PAQR5: variants seen among roughly 807,000 people sequenced by gnomAD.
PAQR5 encodes the protein progestin and adipoQ receptor family member 5.
PAQR5 carries 20 observed loss-of-function variants against 34.5 expected under a neutral mutation model. The observed-to-expected ratio is 0.58, with a 90% CI of 0.41 to 0.84. PAQR5 has a LOEUF of 0.84. Ranked by LOEUF, PAQR5 falls within the 40% of genes least tolerant of loss-of-function variation. The pLI, the probability that PAQR5 is intolerant of heterozygous loss-of-function variation, is 0.00. For missense variants in PAQR5, 378 were observed against 412.7 expected (o/e 0.92, Z 0.73); for synonymous variants, 131 against 155.6 (o/e 0.84, Z 1.18).
intron 7 of PAQR5, among the ~76,000 whole-genome samples, chr15:69,399,079 A>G (rs911755275): frequency 3.3e-5 from 5 of 152,226 alleles, no homozygotes; most frequent in Non-Finnish European, 4.4e-5. Context: ...CTATGACTTT[A>G]TAACAATAAT....
At chr15:69,392,734 T>C (rs2056307354) in intron 6 of PAQR5, among the ~76,000 whole-genome samples, 2 of 152,074 alleles carry the variant, frequency 1.3e-5, no homozygotes, top group Non-Finnish European at 2.9e-5. Flanking sequence ...CACCTGCCGG[T>C]ATACACAGGG....
chr15:69,321,399 C>G (rs2054092978), intron 1 of PAQR5, among the ~76,000 whole-genome samples: 1 of 152,198 alleles, frequency 6.6e-6, no homozygotes, highest in South Asian at 2.1e-4. Context: ...TGGATCCCCA[C>G]CAGATTTTGT....
chr15:69,330,690 A>C (rs1157078765), intron 1 of PAQR5, among the ~76,000 whole-genome samples: 1 of 152,146 alleles, frequency 6.6e-6, no homozygotes, highest in Non-Finnish European at 1.5e-5. Context: ...CCCAACCACC[A>C]ACCAAGTTAT....
intron 3 of PAQR5, among the ~76,000 whole-genome samples, chr15:69,361,111 C>T (rs2055219994): frequency 6.6e-6 from 1 of 152,164 alleles, no homozygotes; most frequent in Non-Finnish European, 1.5e-5. Flanking sequence ...TGGCTGTCTC[C>T]CATGACACTG....
At chr15:69,325,615 GAATGAA>G (rs1313397457) in intron 1 of PAQR5, among the ~76,000 whole-genome samples, 3 of 151,690 alleles carry the variant, frequency 2.0e-5, no homozygotes, top group Non-Finnish European at 4.4e-5. Flanking sequence ...ATGAATGAAT[GAATGAA>G]TGAATGATCA....
intron 1 of PAQR5, among the ~76,000 whole-genome samples, chr15:69,325,112 T>C (rs2054217846): frequency 6.6e-6 from 1 of 152,162 alleles, no homozygotes; most frequent in South Asian, 2.1e-4. Flanking sequence ...TTGGCCAGGC[T>C]GGTCTTGAAC....
rs374510897 is a variant in PAQR5, at chr15:69,300,864, T to C, written c.-277+1808T>C. On this transcript the variant is annotated intron_variant, in intron 1 of 8. Transcript: ENST00000395407. ...CGTTTTCTTTCTTTCTTTCTTTCTT[T>C]CTTTCTTTCTTTCTTTCTTTCTTTC... 4.3e-4 allele frequency among the ~76,000 whole-genome samples: 8 copies of C among 18,570 alleles called. 2 individuals carry two copies. Among genetic ancestry groups the C allele is most frequent in the Admixed American group, 7.2e-4 (1 of 1,388 alleles). The allele number at this position is 18,570 out of a possible 152,430, so 12.2% of individuals were successfully genotyped here.
chr15:69,385,696 G>A lies in PAQR5; in HGVS notation c.385+814G>A, dbSNP rs1451580203. On this transcript the variant is annotated intron_variant, in intron 5 of 8. Coordinates refer to ENST00000395407, the MANE Select transcript of PAQR5 (RefSeq NM_017705.4). The surrounding 1 kb of genome is among the most constrained non-coding windows in gnomAD (Gnocchi z 4.7). Reference sequence around the variant, plus strand: ...TATTGTCTTCCTTGCCCAAGAGGTTGTCCATGAGGAGCCTACCTCCATCCT... The same window carrying A: ...TATTGTCTTCCTTGCCCAAGAGGTTATCCATGAGGAGCCTACCTCCATCCT... 6.6e-6 allele frequency among the ~76,000 whole-genome samples: 1 copy of A among 152,010 alleles called. No homozygotes were observed. The highest frequency in any genetic ancestry group is 2.4e-5 in the African/African-American group (1 of 41,342).
chr15:69,309,698 C>G (rs181545138), intron 1 of PAQR5, among the ~76,000 whole-genome samples: 42 of 152,238 alleles, frequency 2.8e-4, no homozygotes, highest in Admixed American at 8.5e-4. Context: ...TCTGCCCCTG[C>G]GTCTTAATTT....
chr15:69,378,757 TGGG>T (rs2055793853), intron 3 of PAQR5, among the ~76,000 whole-genome samples: 1 of 152,184 alleles, frequency 6.6e-6, no homozygotes, highest in Non-Finnish European at 1.5e-5. Context: ...GGTCCTTACC[TGGG>T]GGCGATTTTT....
chr15:69,374,767 C>A (rs1291133803), intron 3 of PAQR5, among the ~76,000 whole-genome samples: 1 of 152,220 alleles, frequency 6.6e-6, no homozygotes, highest in Non-Finnish European at 1.5e-5. Context: ...AACACCTCAT[C>A]AGACTCCCCG....
intron 3 of PAQR5, chr15:69,379,268 C>T (rs2055810772): frequency 5.3e-6 from 1 of 187,352 alleles, no homozygotes; most frequent in East Asian, 1.9e-4. Flanking sequence ...CCGGGTTTCT[C>T]AGTGGGTGTT....
chr15:69,329,910 T>C (rs1183801354), intron 1 of PAQR5, among the ~76,000 whole-genome samples: 1 of 152,208 alleles, frequency 6.6e-6, no homozygotes, highest in East Asian at 1.9e-4. Flanking sequence ...TGGCATTGAT[T>C]CAGGGTTTTG....
chr15:69,391,859 C>T (rs2056283580), intron 6 of PAQR5: 4 of 373,224 alleles, frequency 1.1e-5, no homozygotes, highest in African/African-American at 2.1e-5. Context: ...GAGTTCAAGA[C>T]CAGCCTGGCC....
chr15:69,359,469 G>A (rs1012298335), intron 2 of PAQR5, among the ~76,000 whole-genome samples: 3 of 152,250 alleles, frequency 2.0e-5, no homozygotes, highest in Admixed American at 6.5e-5. Context: ...CTAAGGGGGT[G>A]CGTGTGAGAG....
chr15:69,313,521 C>CAAATAAATAAATAAATAAAT (rs963617204), intron 1 of PAQR5, among the ~76,000 whole-genome samples: 2 of 151,776 alleles, frequency 1.3e-5, no homozygotes, highest in East Asian at 3.9e-4. Context: ...CAACAACAAC[C>CAAATAAATAAATAAATAAAT]AAATAAATAA....
chr15:69,332,565 A>G (rs893895856), intron 1 of PAQR5, among the ~76,000 whole-genome samples: 9 of 152,084 alleles, frequency 5.9e-5, no homozygotes, highest in African/African-American at 2.2e-4. Flanking sequence ...CAATGCTGTA[A>G]CTCAGTAGCT....
In PAQR5 at chr15:69,298,942, G is replaced by C. The variant is rs2053457424; in HGVS notation, c.-391G>C. The stretch of plus-strand genomic sequence containing the variant: ...TAGGCGCGGCGACCCGCAGGGCCAG[G>C]TGCAGGGCCCGCGAGTCCGGGGTCG... On this transcript the variant is annotated 5_prime_UTR_variant, in exon 1 of 9. Transcript: ENST00000395407. 6.6e-6 allele frequency: 1 copy of C among 152,002 alleles called. No individual in the cohort carries two copies. Among genetic ancestry groups the C allele is most frequent in the Admixed American group, 6.5e-5 (1 of 15,268 alleles). 9.4% of individuals were successfully genotyped at this position (152,002 alleles called of 1,614,324 possible).
At chr15:69,322,730 A>G (rs1375939539) in intron 1 of PAQR5, among the ~76,000 whole-genome samples, 1,144 of 22,886 alleles carry the variant, frequency 0.05, 237 homozygotes, top group South Asian at 0.11. Context: ...AAGAAGAAGA[A>G]GAAGAAGAAG....
Sources: gnomAD v4.1 joint callset for allele counts (sites outside exome capture counted in the v4.1 genomes callset) on GRCh38, gnomAD v4.1.1 for gene constraint, Gnocchi (gnomAD v3.1) non-coding constraint, MANE v1.5 for transcripts, NCBI Gene and HGNC (gene_info 2026-07-23, HGNC 2026-07-21) for gene names.